Variants in KHDRBS2 observed in about 807,000 individuals in gnomAD.
KHDRBS2 encodes KH domain-containing, RNA-binding, signal transduction-associated protein 2.
A neutral mutation model predicts 44.3 loss-of-function variants in KHDRBS2; 26 were observed. That is an observed-to-expected ratio of 0.59 (90% CI 0.43 to 0.81). The LOEUF (loss-of-function observed/expected upper bound fraction) is 0.81. Ranked by LOEUF, KHDRBS2 falls within the 40% of genes least tolerant of loss-of-function variation. The pLI, the probability that KHDRBS2 is intolerant of heterozygous loss-of-function variation, is 0.00. For missense variants in KHDRBS2, 476 were observed against 433.1 expected, an observed-to-expected ratio of 1.10 and a Z score of -0.88; for synonymous variants, 194 against 151.1, an observed-to-expected ratio of 1.28 and a Z score of -2.08.
At chr6:62,173,676 C>T (rs551370961) in intron 2 of KHDRBS2, among the ~76,000 whole-genome samples, 1 of 152,204 alleles carries the variant, frequency 6.6e-6, no homozygotes, top group South Asian at 2.1e-4. Context: ...CAACAAAATA[C>T]TAGCAAACCA....
Position 61,680,428 on chromosome 6 carries a change from C to A in KHDRBS2, c.*535G>T, listed in dbSNP as rs968105677. 1 of 151,294 alleles carries A rather than the reference C, an allele frequency of 6.6e-6. No individual in the cohort carries two copies. The highest frequency in any genetic ancestry group is 1.5e-5 in the Non-Finnish European group (1 of 67,700). 9.4% of individuals were successfully genotyped at this position (151,294 alleles called of 1,614,324 possible). On this transcript the variant is annotated 3_prime_UTR_variant, in exon 9 of 9. Coordinates refer to ENST00000281156, the MANE Select transcript of KHDRBS2 (RefSeq NM_152688.4). ...ATACAGTAGCTGCTTGTTTTCAACC[C>A]CATTAAAACAGCATTAAAATTAAAT...
intron 7 of KHDRBS2, among the ~76,000 whole-genome samples, chr6:61,714,577 G>A (rs951546969): frequency 2.0e-5 from 3 of 151,642 alleles, no homozygotes; most frequent in East Asian, 1.9e-4. Context: ...TTATATATAC[G>A]TATAAAAAAT....
intron 6 of KHDRBS2, among the ~76,000 whole-genome samples, chr6:61,891,550 ATCTG>A (rs1444438450): frequency 6.6e-6 from 1 of 152,020 alleles, no homozygotes; most frequent in Non-Finnish European, 1.5e-5. Flanking sequence ...TCGGCTGTGA[ATCTG>A]TCTGGTCCTG....
chr6:62,040,993 CT>C (rs1265068440), intron 3 of KHDRBS2, among the ~76,000 whole-genome samples: 1 of 152,042 alleles, frequency 6.6e-6, no homozygotes, highest in Non-Finnish European at 1.5e-5. Flanking sequence ...GATATATAAC[CT>C]GGCCCCTTTC....
intron 7 of KHDRBS2, among the ~76,000 whole-genome samples, chr6:61,725,257 G>T (rs577102293): frequency 6.6e-6 from 1 of 152,262 alleles, no homozygotes; most frequent in East Asian, 1.9e-4. Context: ...TTAGAACAAA[G>T]AGACAATGTA....
chr6:61,680,937 G>T lies in KHDRBS2; in HGVS notation c.*26C>A. The T allele has an allele frequency of 7.0e-7, 1 of 1,428,860 alleles. No homozygotes were observed. The highest frequency in any genetic ancestry group is 9.8e-7 in the Non-Finnish European group (1 of 1,016,064). 88.5% of individuals were successfully genotyped at this position (1,428,860 alleles called of 1,614,324 possible). A position where few individuals can be genotyped will look rare whatever the true frequency, so the allele number is the denominator to read the frequency against. ...ACCACAGGCTATGAATTGTCTTTGA[G>T]GTGAGGTCACAGGTGGGAAGGACCT... is the stretch of plus-strand genomic sequence containing the variant. On this transcript the variant is annotated 3_prime_UTR_variant, in exon 9 of 9. Coordinates refer to ENST00000281156, the MANE Select transcript of KHDRBS2 (RefSeq NM_152688.4).
chr6:61,803,873 C>A (rs1051289831), intron 6 of KHDRBS2, among the ~76,000 whole-genome samples: 1 of 151,986 alleles, frequency 6.6e-6, no homozygotes, highest in Non-Finnish European at 1.5e-5. Flanking sequence ...GGTATCAGGT[C>A]CATGATCTAA....
intron 2 of KHDRBS2, among the ~76,000 whole-genome samples, chr6:62,073,118 C>G (rs1277255561): frequency 6.6e-6 from 1 of 151,742 alleles, no homozygotes; most frequent in Admixed American, 6.6e-5. Flanking sequence ...CACTTCTAAT[C>G]TTTGAAAAGA....
chr6:62,063,650 A>G (rs1361146130), intron 2 of KHDRBS2, among the ~76,000 whole-genome samples: 1 of 149,038 alleles, frequency 6.7e-6, no homozygotes, highest in Non-Finnish European at 1.5e-5. Context: ...AGAGCTATCT[A>G]TGACAAACCC....
At chr6:62,004,089 A>AG (rs1463423235) in intron 3 of KHDRBS2, among the ~76,000 whole-genome samples, 1 of 152,216 alleles carries the variant, frequency 6.6e-6, no homozygotes, top group Non-Finnish European at 1.5e-5. Flanking sequence ...TCAGAATTAA[A>AG]GGAACTAGAG....
chr6:61,686,189 A>C (rs1766795971), intron 8 of KHDRBS2, among the ~76,000 whole-genome samples: 2 of 151,800 alleles, frequency 1.3e-5, no homozygotes, highest in Admixed American at 6.6e-5. Flanking sequence ...AACCCACAGC[A>C]AAACGAAGGA....
At chr6:61,900,277 G>A (rs1481024844) in intron 5 of KHDRBS2, among the ~76,000 whole-genome samples, 1 of 151,994 alleles carries the variant, frequency 6.6e-6, no homozygotes, top group Non-Finnish European at 1.5e-5. Flanking sequence ...TATGTTGATA[G>A]TGGTGGTTGA....
chr6:61,701,620 C>A (rs890128142), intron 7 of KHDRBS2, among the ~76,000 whole-genome samples: 1 of 151,986 alleles, frequency 6.6e-6, no homozygotes, highest in African/African-American at 2.4e-5. Context: ...AAAGAAGACC[C>A]TTCCAGGGTA....
chr6:61,555,962 C>A, the KHDRBS2 span, among the ~76,000 whole-genome samples: 1 of 152,220 alleles, frequency 6.6e-6, no homozygotes, highest in African/African-American at 2.4e-5. Flanking sequence ...CAAAGCAATT[C>A]ATTGGGCAGT....
chr6:62,028,318 C>T (rs1403194684), intron 3 of KHDRBS2, among the ~76,000 whole-genome samples: 1 of 152,014 alleles, frequency 6.6e-6, no homozygotes, highest in Non-Finnish European at 1.5e-5. Flanking sequence ...AAATATTGAG[C>T]TTAGCAGGAT....
At chr6:62,083,683 T>G (rs776181353) in intron 2 of KHDRBS2, among the ~76,000 whole-genome samples, 4 of 152,190 alleles carry the variant, frequency 2.6e-5, no homozygotes, top group Admixed American at 6.5e-5. Context: ...CCACCTCCTG[T>G]GAGGGGTTGA....
chr6:62,129,650 C>T (rs1006870097), intron 2 of KHDRBS2, among the ~76,000 whole-genome samples: 5 of 151,914 alleles, frequency 3.3e-5, no homozygotes. Context: ...ACTGTGCTGT[C>T]CAATAAGATG....
At chr6:62,223,899 C>A (rs1310742475) in intron 1 of KHDRBS2, among the ~76,000 whole-genome samples, 1 of 152,120 alleles carries the variant, frequency 6.6e-6, no homozygotes, top group East Asian at 1.9e-4. Context: ...TTCAACAAGT[C>A]TCTAGGAAGT....
At chr6:62,196,372 C>G (rs1241233613) in intron 1 of KHDRBS2, among the ~76,000 whole-genome samples, 1 of 152,020 alleles carries the variant, frequency 6.6e-6, no homozygotes, top group African/African-American at 2.4e-5. Flanking sequence ...AGGCAAAGAG[C>G]CTTATAGAAT....
Sources: allele counts gnomAD v4.1 joint callset (sites outside exome capture counted in the v4.1 genomes callset), GRCh38; gene constraint gnomAD v4.1.1; transcripts MANE v1.5; gene names NCBI Gene and HGNC (gene_info 2026-07-23, HGNC 2026-07-21).